Variants in COL28A1 observed in about 807,000 individuals in gnomAD.
COL28A1 encodes collagen alpha-1(XXVIII) chain.
In COL28A1, 161 loss-of-function variants were observed where a neutral mutation model predicts 150.2. The observed-to-expected ratio is 1.07, with a 90% CI of 0.94 to 1.22. COL28A1 has a LOEUF of 1.22. COL28A1 is among the 50% of genes most tolerant of loss of function. COL28A1 has a pLI of 0.00. For missense variants in COL28A1, 1,617 were observed against 1,388.3 expected, an observed-to-expected ratio of 1.16 and a Z score of -2.62; for synonymous variants, 552 against 469.7, an observed-to-expected ratio of 1.18 and a Z score of -2.26.
In COL28A1 at chr7:7,476,994, T is replaced by C. The variant is rs1211815638; in HGVS notation, c.1233+118A>G. Reference sequence around the variant, plus strand: ...TTACATATTCCTTCATTAAATGGAATAAAGATGGTCAGAAAAATAATTAAC... The same window carrying C: ...TTACATATTCCTTCATTAAATGGAACAAAGATGGTCAGAAAAATAATTAAC... On this transcript the variant is annotated intron_variant, in intron 14 of 34. Transcript: ENST00000399429. 7.4e-6 allele frequency: 5 copies of C among 673,512 alleles called. No individual in the cohort carries two copies. In the African/African-American group the frequency reaches 8.9e-5, roughly 12 times the overall value. 41.7% of individuals were successfully genotyped at this position (673,512 alleles called of 1,614,324 possible).
At chr7:7,508,382 G>C (rs760395617) in intron 9 of COL28A1, among the ~76,000 whole-genome samples, 14 of 152,024 alleles carry the variant, frequency 9.2e-5, no homozygotes, top group Non-Finnish European at 2.1e-4. Context: ...ATAAATCTCT[G>C]CCCAACTTCT....
intron 15 of COL28A1, among the ~76,000 whole-genome samples, chr7:7,456,778 A>C (rs770635171): frequency 3.9e-5 from 6 of 152,240 alleles, no homozygotes; most frequent in Admixed American, 6.5e-5. Flanking sequence ...TCTGTCCTCC[A>C]TTGAGCTTAG....
intron 19 of COL28A1, among the ~76,000 whole-genome samples, chr7:7,444,052 T>C (rs1272765419): frequency 7.7e-6 from 1 of 130,262 alleles, no homozygotes. Context: ...CAACACAAAA[T>C]ACTTCAGGAA....
the COL28A1 span, among the ~76,000 whole-genome samples, chr7:7,347,131 C>CA: frequency 2.3e-4 from 35 of 151,408 alleles, 1 homozygote; most frequent in South Asian, 5.6e-3. Context: ...TCCACACTAG[C>CA]AAAAAAAACA....
chr7:7,480,406 C>T (rs1789287814), intron 13 of COL28A1, among the ~76,000 whole-genome samples: 3 of 152,094 alleles, frequency 2.0e-5, no homozygotes, highest in Non-Finnish European at 4.4e-5. Flanking sequence ...ATATCCATGA[C>T]AGTTTATTGT....
At chr7:7,485,014 C>T (rs1186666957) in intron 13 of COL28A1, among the ~76,000 whole-genome samples, 1 of 151,770 alleles carries the variant, frequency 6.6e-6, no homozygotes, top group Non-Finnish European at 1.5e-5. Flanking sequence ...GGATAAATTG[C>T]CTATCAGGTA....
rs575117627 is a variant in COL28A1, at chr7:7,487,455, G to A, written c.1164+1934C>T. Among the ~76,000 whole-genome samples, 3 of 152,172 alleles carry A rather than the reference G, an allele frequency of 2.0e-5. No homozygotes were observed. The East Asian group carries it at 5.8e-4, about 29-fold the overall frequency. On this transcript the variant is annotated intron_variant, in intron 13 of 34. Transcript: ENST00000399429. ...TAGCCAGGCATGGTGGCGGGCACCT[G>A]TAATCCCAGCTACTCGGGAGGCTGA...
At chr7:7,404,450 C>T (rs1783388396) in intron 27 of COL28A1, among the ~76,000 whole-genome samples, 2 of 152,072 alleles carry the variant, frequency 1.3e-5, no homozygotes. Flanking sequence ...ACCCCAAATT[C>T]ACTGCTGTTA....
intron 11 of COL28A1, among the ~76,000 whole-genome samples, chr7:7,497,539 A>G (rs1444780166): frequency 6.6e-6 from 1 of 152,302 alleles, no homozygotes; most frequent in East Asian, 1.9e-4. Context: ...CCAAATCTTA[A>G]TCACTATGCC....
rs190327006 is a variant in COL28A1, at chr7:7,513,877, C to A, written c.882+1937G>T. Among the ~76,000 whole-genome samples the A allele has an allele frequency of 6.6e-5, 10 of 152,280 alleles. No homozygotes were observed. In the East Asian group the frequency reaches 1.9e-3, roughly 29 times the overall value. On this transcript the variant is annotated intron_variant, in intron 8 of 34. Coordinates refer to ENST00000399429, the MANE Select transcript of COL28A1 (RefSeq NM_001037763.3). ...AAGGCGTTTTCCTTTTTGGTGGGCT[C>A]ATTAATCCCTGTGGAATGGCCACAA...
At chr7:7,461,260 C>T (rs1787598563) in intron 15 of COL28A1, among the ~76,000 whole-genome samples, 1 of 152,168 alleles carries the variant, frequency 6.6e-6, no homozygotes. Flanking sequence ...CCCTAGCAAG[C>T]CATCTCTGCC....
At chr7:7,452,566 T>C (rs1341629317) in intron 17 of COL28A1, among the ~76,000 whole-genome samples, 179 bp from the exon 18 acceptor site, 1 of 152,220 alleles carries the variant, frequency 6.6e-6, no homozygotes. Context: ...TATATGTAAA[T>C]GAAAAATGTA....
At chr7:7,459,780 C>T (rs1787462929) in intron 15 of COL28A1, among the ~76,000 whole-genome samples, 1 of 152,278 alleles carries the variant, frequency 6.6e-6, no homozygotes, top group African/African-American at 2.4e-5. Context: ...GGCAAGTAGG[C>T]CGTGGTGTCA....
intron 27 of COL28A1, among the ~76,000 whole-genome samples, chr7:7,405,933 CAT>C (rs1491551444): frequency 6.6e-6 from 1 of 152,134 alleles, no homozygotes; most frequent in Non-Finnish European, 1.5e-5. Flanking sequence ...TATACCCTAT[CAT>C]GGGGCAAAAC....
intron 32 of COL28A1, among the ~76,000 whole-genome samples, chr7:7,371,552 C>T (rs1781223891): frequency 6.6e-6 from 1 of 152,246 alleles, no homozygotes; most frequent in Admixed American, 6.5e-5. Context: ...CCACATCAGA[C>T]TCCACTCCCA....
chr7:7,533,828 G>C (rs531170749), intron 1 of COL28A1, among the ~76,000 whole-genome samples: 1 of 152,134 alleles, frequency 6.6e-6, no homozygotes, highest in Non-Finnish European at 1.5e-5. Flanking sequence ...GTATACCCAA[G>C]AGAATGGGAA....
At chr7:7,475,961 A>G (rs1342096666) in intron 14 of COL28A1, among the ~76,000 whole-genome samples, 1 of 152,230 alleles carries the variant, frequency 6.6e-6, no homozygotes, top group East Asian at 1.9e-4. Context: ...GCAGTCACTC[A>G]AAACTAAGGA....
chr7:7,477,828 A>T (rs1009961483), intron 13 of COL28A1, among the ~76,000 whole-genome samples: 3 of 152,138 alleles, frequency 2.0e-5, no homozygotes, highest in Non-Finnish European at 4.4e-5. Context: ...TTATTCTATT[A>T]TCTGGCCCCA....
At chr7:7,525,506 T>C (rs565688426) in intron 3 of COL28A1, among the ~76,000 whole-genome samples, 1 of 152,274 alleles carries the variant, frequency 6.6e-6, no homozygotes, top group South Asian at 2.1e-4. Flanking sequence ...ACCAGTGCCT[T>C]GTGATTTCAT....
Sources: gnomAD v4.1 joint callset for allele counts (sites outside exome capture counted in the v4.1 genomes callset) on GRCh38, gnomAD v4.1.1 for gene constraint, MANE v1.5 for transcripts, NCBI Gene and HGNC (gene_info 2026-07-23, HGNC 2026-07-21) for gene names.